The following PRRX1 variants were observed in gnomAD, a reference collection of about 807,000 sequenced individuals.
The protein encoded by PRRX1 is paired mesoderm homeobox protein 1.
Under a neutral mutation model 24.0 loss-of-function variants are expected in PRRX1, and 8 were observed. The ratio of observed to expected loss-of-function variants is 0.33; its 90% CI spans 0.20 to 0.60. PRRX1 has a LOEUF of 0.60. Among genes scored for constraint, PRRX1 ranks in the 20% least tolerant of loss-of-function variants. The pLI, the probability that PRRX1 is intolerant of heterozygous loss-of-function variation, is 0.82. For missense variants in PRRX1, 281 were observed against 322.4 expected, an observed-to-expected ratio of 0.87 and a Z score of 0.98; for synonymous variants, 160 against 131.7, an observed-to-expected ratio of 1.22 and a Z score of -1.47.
At chr1:170,680,655 G>C (rs1007749465) in intron 1 of PRRX1, among the ~76,000 whole-genome samples, 1 of 152,218 alleles carries the variant, frequency 6.6e-6, no homozygotes, top group Non-Finnish European at 1.5e-5. Context: ...TACGTCAGAA[G>C]TAATTCACCA....
intron 1 of PRRX1, among the ~76,000 whole-genome samples, chr1:170,706,883 C>A (rs1174447193): frequency 6.6e-6 from 1 of 152,026 alleles, no homozygotes; most frequent in African/African-American, 2.4e-5. Context: ...AATCTCAACA[C>A]TTTGGGAGGC....
At chr1:170,728,638 G>T (rs927298166) in intron 3 of PRRX1, 1 of 152,144 alleles carries the variant, frequency 6.6e-6, no homozygotes, top group Non-Finnish European at 1.5e-5. Context: ...TATTCTGTAT[G>T]AAGAATAAAT....
intron 1 of PRRX1, among the ~76,000 whole-genome samples, chr1:170,708,348 G>A (rs1346138404): frequency 6.6e-6 from 1 of 151,816 alleles, no homozygotes; most frequent in Non-Finnish European, 1.5e-5. Context: ...TATGACCTTA[G>A]TGCATCGGCT....
intron 1 of PRRX1, among the ~76,000 whole-genome samples, chr1:170,674,704 C>T (rs1045985641): frequency 6.6e-6 from 1 of 151,018 alleles, no homozygotes; most frequent in African/African-American, 2.4e-5. Flanking sequence ...TTTTGTAATC[C>T]TTTTTTTTCT....
At chr1:170,700,873 G>T (rs914776073) in intron 1 of PRRX1, among the ~76,000 whole-genome samples, 2 of 152,124 alleles carry the variant, frequency 1.3e-5, no homozygotes, top group Non-Finnish European at 2.9e-5. Flanking sequence ...TCTTCTTAAA[G>T]CTCCCAAATG....
At chr1:170,722,517 C>T (rs1251696966) in intron 2 of PRRX1, 2 of 152,110 alleles carry the variant, frequency 1.3e-5, no homozygotes, top group Non-Finnish European at 2.9e-5. Flanking sequence ...AAACCATACA[C>T]TTATGATATC....
At chr1:170,711,538 T>C (rs1654753609) in intron 1 of PRRX1, among the ~76,000 whole-genome samples, 1 of 152,218 alleles carries the variant, frequency 6.6e-6, no homozygotes, top group Admixed American at 6.5e-5. Flanking sequence ...CTTGGTTTTT[T>C]AGAACCTGTG....
intron 3 of PRRX1, 113 bp downstream of exon 3, chr1:170,726,514 C>A: frequency 7.8e-7 from 1 of 1,278,110 alleles, no homozygotes; most frequent in Non-Finnish European, 1.1e-6. Context: ...TTAATCTCTT[C>A]AGAGACATTC....
intron 1 of PRRX1, among the ~76,000 whole-genome samples, chr1:170,716,602 G>T (rs1256168279): frequency 1.3e-5 from 2 of 149,190 alleles, no homozygotes; most frequent in South Asian, 2.1e-4. Context: ...AAAAAAAAAT[G>T]TATTCATGTT....
intron 1 of PRRX1, among the ~76,000 whole-genome samples, chr1:170,676,007 C>T (rs1007261353): frequency 6.6e-6 from 1 of 152,144 alleles, no homozygotes; most frequent in African/African-American, 2.4e-5. Context: ...AAGAGAACCA[C>T]CCAGAGAGCT....
chr1:170,700,569 T>G (rs1654321600), intron 1 of PRRX1, among the ~76,000 whole-genome samples: 1 of 152,172 alleles, frequency 6.6e-6, no homozygotes, highest in Non-Finnish European at 1.5e-5. Context: ...GGTCAAAGTT[T>G]AGCAGTCAGA....
intron 1 of PRRX1, among the ~76,000 whole-genome samples, chr1:170,697,330 T>C (rs957171438): frequency 2.0e-5 from 3 of 152,240 alleles, no homozygotes; most frequent in African/African-American, 7.2e-5. Flanking sequence ...TGAAGGGTTA[T>C]AATATTGCAT....
chr1:170,673,735 T>C (rs145012491), intron 1 of PRRX1, among the ~76,000 whole-genome samples: 11 of 152,348 alleles, frequency 7.2e-5, no homozygotes, highest in Admixed American at 1.3e-4. Context: ...TTTTCCTATA[T>C]GGTAACATGT....
In PRRX1 at chr1:170,664,430, C is replaced by T. The variant is rs1439996918; in HGVS notation, c.212C>T (p.Thr71Ile). 1.2e-6 allele frequency: 2 copies of T among 1,607,486 alleles called. No homozygotes were observed. Among genetic ancestry groups the T allele is most frequent in the Admixed American group, 1.7e-5 (1 of 59,090 alleles). ...AGCCTGCTGGAGTCGCCGGGACTCA[C>T]CAGCGGCAGCGACACCCCGCAGCAG... ...GRSLLESPGLTSGSDTPQQDN... is the reference protein window; with the variant it reads ...GRSLLESPGLISGSDTPQQDN... Residue 71 changes from threonine (T) to isoleucine (I), a missense_variant, in exon 1 of 4, where the codon ACC becomes ATC. Coordinates refer to ENST00000239461, the MANE Select transcript of PRRX1 (RefSeq NM_022716.4).
At chr1:170,721,038 T>C (rs1655064772) in intron 2 of PRRX1, among the ~76,000 whole-genome samples, 1 of 152,256 alleles carries the variant, frequency 6.6e-6, no homozygotes, top group Admixed American at 6.5e-5. Flanking sequence ...CAAAGTATTT[T>C]GCACAACATC....
intron 1 of PRRX1, among the ~76,000 whole-genome samples, chr1:170,708,459 G>A (rs1654643093): frequency 6.6e-6 from 1 of 152,242 alleles, no homozygotes; most frequent in East Asian, 1.9e-4. Flanking sequence ...GTATATTGGA[G>A]AATGAATTAG....
intron 3 of PRRX1, chr1:170,728,957 T>G (rs569249441): frequency 4.6e-5 from 7 of 152,256 alleles, no homozygotes; most frequent in Non-Finnish European, 1.0e-4. Flanking sequence ...GGTACTATTA[T>G]GTCAAGTTAG....
At chr1:170,688,853 C>T (rs531650) in intron 1 of PRRX1, among the ~76,000 whole-genome samples, 113,870 of 151,998 alleles carry the variant, frequency 0.75, 42,829 homozygotes, top group Middle Eastern at 0.92. Context: ...AATTTCAGTA[C>T]TGAAACTTAT....
At chr1:170,678,585 G>T (rs1653397309) in intron 1 of PRRX1, among the ~76,000 whole-genome samples, 1 of 152,208 alleles carries the variant, frequency 6.6e-6, no homozygotes, top group African/African-American at 2.4e-5. Flanking sequence ...TTGTGTGTGT[G>T]TTTGCTAAAA....
Sources: allele counts gnomAD v4.1 joint callset (sites outside exome capture counted in the v4.1 genomes callset), GRCh38; gene constraint gnomAD v4.1.1; transcripts MANE v1.5; gene names NCBI Gene and HGNC (gene_info 2026-07-23, HGNC 2026-07-21).